Variants in SSUH2 observed in about 807,000 individuals in gnomAD.
SSUH2 encodes the protein protein SSUH2 homolog.
SSUH2 carries 47 observed loss-of-function variants against 55.3 expected under a neutral mutation model. The observed-to-expected ratio is 0.85, with a 90% CI of 0.67 to 1.08. The LOEUF (loss-of-function observed/expected upper bound fraction) is 1.08, where lower values mean the gene tolerates loss of function less well. SSUH2 is among the 50% of genes least tolerant of loss of function. The probability of loss-of-function intolerance (pLI) is 0.00; values close to 1 mark genes in which losing one functional copy is unlikely to be tolerated. For missense variants in SSUH2, 535 were observed against 490.7 expected (o/e 1.09, Z -0.85); for synonymous variants, 212 against 191.5 (o/e 1.11, Z -0.89).
intron 7 of SSUH2, among the ~76,000 whole-genome samples, chr3:8,657,755 C>T (rs1575315726): frequency 6.6e-6 from 1 of 152,234 alleles, no homozygotes; most frequent in Admixed American, 6.5e-5. Context: ...AAAGCCTTCA[C>T]TATGGTAACA....
intron 3 of SSUH2, among the ~76,000 whole-genome samples, chr3:8,676,724 T>C (rs1337531530): frequency 5.5e-5 from 2 of 36,318 alleles, no homozygotes; most frequent in Non-Finnish European, 1.1e-4. Context: ...CAGCCTGCGA[T>C]GCTGGAATTA....
chr3:8,625,325 G>A (rs1165091067), intron 10 of SSUH2, among the ~76,000 whole-genome samples: 1 of 152,012 alleles, frequency 6.6e-6, no homozygotes, highest in African/African-American at 2.4e-5. Flanking sequence ...GAACGGCATG[G>A]TGGGTGGGGA....
chr3:8,659,537 G>A, intron 6 of SSUH2: 1 of 303,602 alleles, frequency 3.3e-6, no homozygotes, highest in Admixed American at 4.6e-5. Context: ...TCAGCAGAGG[G>A]GGCCTTTCAG....
chr3:8,657,074 T>C (rs1353130833), intron 7 of SSUH2, among the ~76,000 whole-genome samples: 4 of 152,078 alleles, frequency 2.6e-5, no homozygotes, highest in Non-Finnish European at 5.9e-5. Context: ...AGAGAGAGGG[T>C]TTTGCCATGT....
chr3:8,630,958 T>C (rs1575108174), intron 5 of SSUH2, 29 bp from the exon 6 acceptor site: 2 of 1,350,886 alleles, frequency 1.5e-6, no homozygotes, highest in East Asian at 2.8e-5. Flanking sequence ...ATTGTAAGAA[T>C]GACGAAGGGC....
intron 11 of SSUH2, among the ~76,000 whole-genome samples, chr3:8,622,030 A>T (rs1449900164): frequency 1.3e-5 from 2 of 151,944 alleles, no homozygotes; most frequent in East Asian, 3.9e-4. Flanking sequence ...TCAAGTGGTC[A>T]TCACGTAATT....
intron 4 of SSUH2, chr3:8,671,157 G>A (rs1038615900): frequency 5.2e-6 from 1 of 192,826 alleles, no homozygotes; most frequent in Non-Finnish European, 1.2e-5. Context: ...CGTTTTCCTG[G>A]AATATTATGA....
exon 4 of SSUH2, chr3:8,671,958 G>GC: frequency 6.6e-6 from 1 of 152,092 alleles, no homozygotes; most frequent in Admixed American, 6.5e-5. Flanking sequence ...TATCTTCTCA[G>GC]CCTCTGGAAA....
At chr3:8,668,481 C>T (rs901638589) in intron 5 of SSUH2, among the ~76,000 whole-genome samples, 49 of 152,264 alleles carry the variant, frequency 3.2e-4, no homozygotes, top group Non-Finnish European at 1.5e-4. Flanking sequence ...CAGCAGACAT[C>T]CATTATTTCT....
intron 3 of SSUH2, among the ~76,000 whole-genome samples, chr3:8,673,273 T>C (rs554456235): frequency 1.3e-5 from 2 of 152,266 alleles, no homozygotes; most frequent in East Asian, 3.9e-4. Context: ...AACAATTACA[T>C]GATCAGTTAT....
chr3:8,668,779 C>T (rs979996773), intron 5 of SSUH2, among the ~76,000 whole-genome samples: 11 of 152,144 alleles, frequency 7.2e-5, no homozygotes, highest in African/African-American at 2.2e-4. Flanking sequence ...TCATGAGTCT[C>T]TTTCACAATA....
intron 3 of SSUH2, chr3:8,634,767 G>T (rs1034920085): frequency 1.3e-4 from 47 of 373,946 alleles, no homozygotes; most frequent in Non-Finnish European, 2.3e-4. Context: ...TGAAATAGGG[G>T]GCAGCTCCAC....
At chr3:8,660,066 G>A (rs996841517) in intron 6 of SSUH2, among the ~76,000 whole-genome samples, 10 of 152,216 alleles carry the variant, frequency 6.6e-5, no homozygotes, top group African/African-American at 2.4e-4. Flanking sequence ...CAACAGGGAA[G>A]CTAGTCTGCT....
intron 7 of SSUH2, among the ~76,000 whole-genome samples, chr3:8,655,831 GA>G (rs1399748632): frequency 1.3e-5 from 2 of 152,182 alleles, no homozygotes; most frequent in Non-Finnish European, 2.9e-5. Flanking sequence ...GAAGACTCGG[GA>G]GGCAAACACA....
At chr3:8,623,984 A>G (rs1697001066) in intron 10 of SSUH2, among the ~76,000 whole-genome samples, 1 of 152,184 alleles carries the variant, frequency 6.6e-6, no homozygotes, top group Non-Finnish European at 1.5e-5. Context: ...TGTAGCGGGA[A>G]AGGAACTCAG....
In SSUH2 at chr3:8,675,535, C is replaced by T. The variant is rs1167625022; in HGVS notation, c.-753+1671G>A. Among the ~76,000 whole-genome samples, 15 of 152,288 alleles carry T rather than the reference C, an allele frequency of 9.8e-5. No individual in the cohort carries two copies. The East Asian group carries it at 1.5e-3, about 16-fold the overall frequency. On this transcript the variant is annotated intron_variant, in intron 3 of 18. Coordinates refer to the SSUH2 transcript ENST00000317371. ...GTCCAAGAAGAAAGCTCAGATCTGCCGACAGCAGGTACCTTACTTGTGATT... is the reference window on the plus strand; with the variant it reads ...GTCCAAGAAGAAAGCTCAGATCTGCTGACAGCAGGTACCTTACTTGTGATT...
rs569412787 is a variant in SSUH2, at chr3:8,678,737, C to T, written c.-901+968G>A. On this transcript the variant is annotated intron_variant, in intron 2 of 18. Transcript: ENST00000317371. ...GGACCCCCAACGTGGGGGGGGGAGG[C>T]ACCACACGCGAGGCGGGGAAAGAGA... Among the ~76,000 whole-genome samples the T allele has an allele frequency of 6.3e-5, 5 of 79,120 alleles. 1 individual carries two copies. Among genetic ancestry groups the T allele is most frequent in the Non-Finnish European group, 1.4e-4 (5 of 35,348 alleles). 51.9% of individuals were successfully genotyped at this position (79,120 alleles called of 152,430 possible).
At chr3:8,659,785 G>A (rs1166325442) in intron 6 of SSUH2, 2 of 456,480 alleles carry the variant, frequency 4.4e-6, no homozygotes, top group East Asian at 6.9e-5. Context: ...TAAGAGATAT[G>A]GAGATTCATC....
intron 2 of SSUH2, among the ~76,000 whole-genome samples, chr3:8,678,340 T>A (rs553843403): frequency 3.9e-5 from 6 of 151,918 alleles, no homozygotes; most frequent in Admixed American, 1.3e-4. Flanking sequence ...TTATGGGGAG[T>A]CATATCTGTC....
Sources: allele counts gnomAD v4.1 joint callset (sites outside exome capture counted in the v4.1 genomes callset), GRCh38; gene constraint gnomAD v4.1.1; transcripts MANE v1.5; gene names NCBI Gene and HGNC (gene_info 2026-07-23, HGNC 2026-07-21).